RTN4: variants seen among roughly 807,000 people sequenced by gnomAD.
RTN4 encodes the protein reticulon-4.
A neutral mutation model predicts 90.4 loss-of-function variants in RTN4; 32 were observed. The observed-to-expected ratio is 0.35, with a 90% CI of 0.27 to 0.48. The LOEUF (loss-of-function observed/expected upper bound fraction) is 0.48. Among genes scored for constraint, RTN4 ranks in the 20% least tolerant of loss-of-function variants. The probability of loss-of-function intolerance (pLI) is 0.99; values close to 1 mark genes in which losing one functional copy is unlikely to be tolerated. For synonymous variants in RTN4, 629 were observed against 552.5 expected, an observed-to-expected ratio of 1.14 and a Z score of -1.94; for missense variants, 1,706 against 1,430.2, an observed-to-expected ratio of 1.19 and a Z score of -3.11.
chr2:55,090,126 G>A (rs1423307539), intron 1 of RTN4, among the ~76,000 whole-genome samples: 1 of 152,120 alleles, frequency 6.6e-6, no homozygotes, highest in East Asian at 1.9e-4. Context: ...GCTGTTTTGA[G>A]TAGGATGGGG....
intron 1 of RTN4, among the ~76,000 whole-genome samples, chr2:55,047,982 G>A (rs1667858687): frequency 6.6e-6 from 1 of 152,210 alleles, no homozygotes; most frequent in African/African-American, 2.4e-5. Flanking sequence ...TTCTGTCGTT[G>A]TGCAAACCTC....
intron 3 of RTN4, among the ~76,000 whole-genome samples, chr2:55,008,176 C>CACACACACACACACACA (rs1553438392): frequency 6.7e-6 from 1 of 149,570 alleles, no homozygotes; most frequent in South Asian, 2.1e-4. Flanking sequence ...CACACACACA[C>CACACACACACACACACA]CACCTTTTAA....
the RTN4 span, among the ~76,000 whole-genome samples, chr2:55,129,065 G>A: frequency 7.8e-5 from 11 of 141,296 alleles, no homozygotes; most frequent in Non-Finnish European, 1.5e-4. Context: ...CCGAGATCGC[G>A]CCACTACACT....
At chr2:54,985,530 G>A (rs1254342490) in intron 4 of RTN4, among the ~76,000 whole-genome samples, 2 of 151,994 alleles carry the variant, frequency 1.3e-5, no homozygotes, top group East Asian at 3.8e-4. Flanking sequence ...CCCATAAAAT[G>A]GAGTGATACC....
intron 2 of RTN4, among the ~76,000 whole-genome samples, chr2:55,078,251 T>G (rs1009316164): frequency 6.6e-6 from 1 of 152,160 alleles, no homozygotes; most frequent in Non-Finnish European, 1.5e-5. Context: ...TTTTTTAAAT[T>G]TACTATTTTT....
At chr2:55,024,263 G>A (rs556713258) in intron 3 of RTN4, among the ~76,000 whole-genome samples, 2 of 152,118 alleles carry the variant, frequency 1.3e-5, no homozygotes, top group African/African-American at 4.8e-5. Flanking sequence ...CTATGTCTCT[G>A]TGCTCATCCC....
chr2:55,021,996 T>C (rs1291378313), intron 3 of RTN4, among the ~76,000 whole-genome samples: 2 of 152,204 alleles, frequency 1.3e-5, no homozygotes, highest in Non-Finnish European at 2.9e-5. Context: ...TGCCCAAGCA[T>C]TGCTTACACT....
intron 5 of RTN4, among the ~76,000 whole-genome samples, chr2:54,979,770 G>C (rs926860084): frequency 6.6e-6 from 1 of 152,154 alleles, no homozygotes; most frequent in East Asian, 1.9e-4. Flanking sequence ...TCTAGATTTT[G>C]AGATCTAAAT....
intron 3 of RTN4, among the ~76,000 whole-genome samples, chr2:55,022,434 T>C (rs182695262): frequency 2.6e-5 from 4 of 152,296 alleles, no homozygotes; most frequent in Non-Finnish European, 5.9e-5. Context: ...TGGCTGTTCC[T>C]TGAAGATACT....
At chr2:55,114,160 T>C (rs1220796113), upstream of RTN4, among the ~76,000 whole-genome samples, 1 of 152,234 alleles carries the variant, frequency 6.6e-6, no homozygotes, top group Non-Finnish European at 1.5e-5. Context: ...TGTCTTTACA[T>C]TAGTCTATAA....
the RTN4 span, among the ~76,000 whole-genome samples, chr2:55,124,188 T>G: frequency 6.6e-6 from 1 of 152,232 alleles, no homozygotes; most frequent in African/African-American, 2.4e-5. Flanking sequence ...TTCTTCATTC[T>G]TTTGGGGACA....
chr2:55,035,199 C>G (rs1171975409), intron 1 of RTN4, among the ~76,000 whole-genome samples: 1 of 152,142 alleles, frequency 6.6e-6, no homozygotes, highest in African/African-American at 2.4e-5. Flanking sequence ...TTATGGAACA[C>G]TACAACCAAC....
At chr2:55,028,291 G>A in intron 1 of RTN4, 71 bp from the exon 2 acceptor site, 1 of 1,360,702 alleles carries the variant, frequency 7.3e-7, no homozygotes. Flanking sequence ...GATAAGAGGA[G>A]CAAGCCAGGG....
chr2:55,110,496 C>G (rs1668018413), intron 1 of RTN4, among the ~76,000 whole-genome samples: 1 of 151,940 alleles, frequency 6.6e-6, no homozygotes, highest in Admixed American at 6.6e-5. Context: ...ATCAGGAATA[C>G]CCTATGACAT....
intron 3 of RTN4, among the ~76,000 whole-genome samples, chr2:55,004,653 G>T (rs1250155492): frequency 6.6e-6 from 1 of 152,120 alleles, no homozygotes; most frequent in East Asian, 1.9e-4. Flanking sequence ...AAGGCCAGAA[G>T]TAAACCTGGC....
chr2:54,977,056 C>T (rs1018553396), intron 5 of RTN4, among the ~76,000 whole-genome samples: 4 of 152,232 alleles, frequency 2.6e-5, no homozygotes, highest in African/African-American at 9.6e-5. Context: ...GATTAAAGAG[C>T]TCTGCAGATT....
intron 1 of RTN4, among the ~76,000 whole-genome samples, chr2:55,048,015 G>A (rs1667865003): frequency 6.6e-6 from 1 of 152,202 alleles, no homozygotes; most frequent in Admixed American, 6.5e-5. Context: ...CAGAAACCTA[G>A]ATGGTAGAGC....
At chr2:55,110,765 G>C (rs1668024119) in intron 1 of RTN4, among the ~76,000 whole-genome samples, 1 of 152,206 alleles carries the variant, frequency 6.6e-6, no homozygotes, top group Non-Finnish European at 1.5e-5. Flanking sequence ...GCCAGGCCAG[G>C]CACGGTAGCT....
chr2:55,027,291 T>C lies in RTN4; in HGVS notation c.808A>G (p.Ser270Gly). ...PTEGTLQENVSEASKEVSEKA... is the reference protein window; with the variant it reads ...PTEGTLQENVGEASKEVSEKA... The stretch of plus-strand genomic sequence containing the variant: ...TCTGAGACCTCTTTAGAAGCTTCAC[T>C]GACATTTTCTTGAAGTGTTCCTTCA... Residue 270 changes from serine (S) to glycine (G), a missense_variant, in exon 3 of 9, where the codon AGT becomes GGT. Coordinates refer to ENST00000337526, the MANE Select transcript of RTN4 (RefSeq NM_020532.5). The C allele has an allele frequency of 6.2e-7, 1 of 1,613,740 alleles. No homozygotes were observed. Among genetic ancestry groups the C allele is most frequent in the Non-Finnish European group, 8.5e-7 (1 of 1,179,780 alleles).
Sources: gnomAD v4.1 joint callset for allele counts (sites outside exome capture counted in the v4.1 genomes callset) on GRCh38, gnomAD v4.1.1 for gene constraint, MANE v1.5 for transcripts, NCBI Gene and HGNC (gene_info 2026-07-23, HGNC 2026-07-21) for gene names.